FAM193A: variants seen among roughly 807,000 people sequenced by gnomAD.
FAM193A encodes the protein family with sequence similarity 193 member A.
In FAM193A, 22 loss-of-function variants were observed where a neutral mutation model predicts 126.5. The ratio of observed to expected loss-of-function variants is 0.17; its 90% CI spans 0.12 to 0.25. The LOEUF (loss-of-function observed/expected upper bound fraction) is 0.25. FAM193A is among the 10% of genes least tolerant of loss of function. The pLI is 1.00. For synonymous variants in FAM193A, 761 were observed against 646.8 expected (o/e 1.18, Z -2.68); for missense variants, 1,675 against 1,672.8 (o/e 1.00, Z -0.02).
At chr4:2,694,862 G>A in intron 16 of FAM193A, 84 bp from the exon 17 acceptor site, 1 of 1,201,810 alleles carries the variant, frequency 8.3e-7, no homozygotes, top group Non-Finnish European at 1.2e-6. Flanking sequence ...AAATGGGCAG[G>A]ACAGTGGGTG....
intron 7 of FAM193A, among the ~76,000 whole-genome samples, chr4:2,651,103 G>T (rs1745619158): frequency 6.6e-6 from 1 of 152,164 alleles, no homozygotes. Flanking sequence ...GGCCAAGGTG[G>T]GCGGATCACC....
At chr4:2,726,174 C>T (rs1183445260) in intron 20 of FAM193A, among the ~76,000 whole-genome samples, 1 of 152,204 alleles carries the variant, frequency 6.6e-6, no homozygotes, top group East Asian at 1.9e-4. Flanking sequence ...ACTGGGATTA[C>T]AGGCGTGAGC....
At chr4:2,643,637 C>A (rs1485443134) in intron 6 of FAM193A, among the ~76,000 whole-genome samples, 15 of 152,166 alleles carry the variant, frequency 9.9e-5, no homozygotes, top group Non-Finnish European at 2.9e-5. Flanking sequence ...CTTGACTCCC[C>A]ACCATTTTTT....
intron 6 of FAM193A, among the ~76,000 whole-genome samples, chr4:2,641,073 C>T (rs1004639413): frequency 3.3e-5 from 5 of 151,842 alleles, no homozygotes; most frequent in African/African-American, 9.7e-5. Flanking sequence ...CAGTGTCTTG[C>T]TCTGTCACCC....
chr4:2,713,275 G>A (rs571271246), intron 19 of FAM193A, among the ~76,000 whole-genome samples: 33 of 150,710 alleles, frequency 2.2e-4, no homozygotes, highest in East Asian at 5.9e-4. Flanking sequence ...GCGTGGTGGC[G>A]CGCACCTGTA....
rs903705501 is a variant in FAM193A, at chr4:2,627,895, A to G, written c.803+1318A>G. ...GTAGCTGGGACTACAGGCACCCACTACCACGCCCAGCTAATTTTTTGTATT... is the reference window on the plus strand; with the variant it reads ...GTAGCTGGGACTACAGGCACCCACTGCCACGCCCAGCTAATTTTTTGTATT... On this transcript the variant is annotated intron_variant, in intron 4 of 20. Transcript: ENST00000637812. Among the ~76,000 whole-genome samples, 30 of 151,782 alleles carry G rather than the reference A, an allele frequency of 2.0e-4. 1 individual carries two copies. The highest frequency in any genetic ancestry group is 1.6e-3 in the Admixed American group (24 of 15,224).
chr4:2,634,687 T>G (rs2109010501), intron 5 of FAM193A, among the ~76,000 whole-genome samples: 1 of 152,316 alleles, frequency 6.6e-6, no homozygotes, highest in East Asian at 1.9e-4. Context: ...TCAGAATTAC[T>G]GAAAAATACT....
chr4:2,639,993 A>G (rs920535672), intron 6 of FAM193A, 134 bp downstream of exon 6: 5 of 864,900 alleles, frequency 5.8e-6, no homozygotes, highest in Non-Finnish European at 8.5e-6. Context: ...AAAGAAAAAG[A>G]TAGTTTGGGC....
At chr4:2,662,178 G>T (rs1712536688) in intron 10 of FAM193A, among the ~76,000 whole-genome samples, 2 of 151,978 alleles carry the variant, frequency 1.3e-5, no homozygotes, top group Non-Finnish European at 2.9e-5. Flanking sequence ...GCAAGACACT[G>T]CCTCAAAAAA....
chr4:2,538,409 T>A (rs920037021), intron 1 of FAM193A, among the ~76,000 whole-genome samples: 1 of 152,086 alleles, frequency 6.6e-6, no homozygotes, highest in Non-Finnish European at 1.5e-5. Context: ...GCCAGGCTGG[T>A]CTCGAACTCG....
At chr4:2,657,005 A>C (rs1314106200) in intron 7 of FAM193A, among the ~76,000 whole-genome samples, 1 of 152,140 alleles carries the variant, frequency 6.6e-6, no homozygotes, top group Non-Finnish European at 1.5e-5. Flanking sequence ...CGTCTCTAGT[A>C]AAAATAGAAA....
intron 20 of FAM193A, among the ~76,000 whole-genome samples, chr4:2,725,250 C>T (rs1421879514): frequency 6.6e-6 from 1 of 151,826 alleles, no homozygotes; most frequent in Non-Finnish European, 1.5e-5. Flanking sequence ...ATATATGGTG[C>T]TTGCCTGGGC....
At chr4:2,611,261 CTATTTATT>C (rs527253867) in intron 2 of FAM193A, among the ~76,000 whole-genome samples, 4 of 151,308 alleles carry the variant, frequency 2.6e-5, no homozygotes, top group African/African-American at 7.3e-5. Flanking sequence ...TCTGCATTTT[CTATTTATT>C]TATTTATTTA....
In FAM193A at chr4:2,594,820, C is replaced by CTTTTTTT. The variant is rs386399069; in HGVS notation, c.256-1244_256-1238dup. ...GTTTCTTTCTTTTTCTTTTCTTTTC[C>CTTTTTTT]TTTTTTTTTTTTTTTTTTTTTTTTT... On this transcript the variant is annotated intron_variant, in intron 1 of 20. Transcript: ENST00000637812. 7.7e-4 allele frequency among the ~76,000 whole-genome samples: 48 copies of CTTTTTTT among 62,228 alleles called. 6 individuals are homozygous for CTTTTTTT. The highest frequency in any genetic ancestry group is 2.4e-3 in the African/African-American group (30 of 12,708). 40.8% of individuals were successfully genotyped at this position (62,228 alleles called of 152,430 possible). A position where few individuals can be genotyped will look rare whatever the true frequency, so the allele number is the denominator to read the frequency against.
chr4:2,568,973 C>CTTTTTT (rs753557878), intron 1 of FAM193A, among the ~76,000 whole-genome samples: 56 of 90,724 alleles, frequency 6.2e-4, no homozygotes, highest in African/African-American at 1.1e-3. Context: ...TGTTGTTTTG[C>CTTTTTT]TTTTTTTTTT....
At chr4:2,647,684 C>G (rs912160561) in intron 7 of FAM193A, among the ~76,000 whole-genome samples, 5 of 152,224 alleles carry the variant, frequency 3.3e-5, no homozygotes, top group African/African-American at 7.2e-5. Context: ...CCCCTCCCCC[C>G]GCTTCCCACC....
At chr4:2,661,571 C>G (rs562446310) in intron 10 of FAM193A, among the ~76,000 whole-genome samples, 3 of 152,204 alleles carry the variant, frequency 2.0e-5, no homozygotes, top group African/African-American at 4.8e-5. Context: ...CCCTAGGACT[C>G]TGCACCTTGT....
At chr4:2,588,201 C>G (rs1022851737) in intron 1 of FAM193A, among the ~76,000 whole-genome samples, 4 of 152,250 alleles carry the variant, frequency 2.6e-5, no homozygotes, top group African/African-American at 7.2e-5. Context: ...ATCCCCACAT[C>G]TACTCCACTG....
intron 1 of FAM193A, among the ~76,000 whole-genome samples, chr4:2,573,981 G>A (rs1010980810): frequency 2.6e-5 from 4 of 152,236 alleles, no homozygotes; most frequent in African/African-American, 9.6e-5. Flanking sequence ...GGCTGGAGCA[G>A]AATGAGTCAG....
Sources: gnomAD v4.1 joint callset for allele counts (sites outside exome capture counted in the v4.1 genomes callset) on GRCh38, gnomAD v4.1.1 for gene constraint, MANE v1.5 for transcripts, NCBI Gene and HGNC (gene_info 2026-07-23, HGNC 2026-07-21) for gene names.